Variants in GUCY1A2 observed in about 807,000 individuals in gnomAD.
The protein encoded by GUCY1A2 is guanylate cyclase 1 soluble subunit alpha 2, also known as guanylate cyclase soluble subunit alpha-2.
In GUCY1A2, 27 loss-of-function variants were observed where a neutral mutation model predicts 63.5. The ratio of observed to expected loss-of-function variants is 0.43; its 90% CI spans 0.31 to 0.59. GUCY1A2 has a LOEUF of 0.59. GUCY1A2 is among the 20% of genes least tolerant of loss of function. The pLI is 0.11. For missense variants in GUCY1A2, 768 were observed against 913.3 expected (o/e 0.84, Z 2.05); for synonymous variants, 364 against 343.5 (o/e 1.06, Z -0.66).
At position 106,694,597 on chromosome 11, in the gene GUCY1A2, T is replaced by C. The variant is rs547379822; in HGVS notation, c.1992-6841A>G. 2.6e-5 allele frequency among the ~76,000 whole-genome samples: 4 copies of C among 152,350 alleles called. No homozygotes were observed. The East Asian group carries it at 7.7e-4, about 29-fold the overall frequency. ...AAGCAGGCTCCAGTTTTTAGCTTCCTAAGTGTCAAGAAAATGGCCCAGTAC... is the reference window on the plus strand; with the variant it reads ...AAGCAGGCTCCAGTTTTTAGCTTCCCAAGTGTCAAGAAAATGGCCCAGTAC... On this transcript the variant is annotated intron_variant, in intron 7 of 7. Transcript: ENST00000526355.
At chr11:106,861,969 G>T (rs1239741377) in intron 4 of GUCY1A2, among the ~76,000 whole-genome samples, 1 of 151,864 alleles carries the variant, frequency 6.6e-6, no homozygotes, top group South Asian at 2.1e-4. Flanking sequence ...GGGCAGTTTT[G>T]GTTTTCCTCT....
At chr11:106,719,528 T>C (rs1024109003) in intron 6 of GUCY1A2, among the ~76,000 whole-genome samples, 11 of 152,212 alleles carry the variant, frequency 7.2e-5, no homozygotes, top group African/African-American at 2.7e-4. Flanking sequence ...ATGAGTTTGA[T>C]TGTTAAACAT....
intron 4 of GUCY1A2, among the ~76,000 whole-genome samples, chr11:106,846,497 C>T (rs1954866): frequency 0.23 from 34,956 of 151,426 alleles, 4,210 homozygotes; most frequent in Non-Finnish European, 0.26. Flanking sequence ...TAAAGACACA[C>T]TAAATGAGGG....
chr11:106,760,579 T>C (rs1260507900), intron 6 of GUCY1A2, among the ~76,000 whole-genome samples: 2 of 152,210 alleles, frequency 1.3e-5, no homozygotes, highest in Non-Finnish European at 2.9e-5. Flanking sequence ...TTTTTTGACA[T>C]ACTTGAGGAT....
At chr11:106,866,721 A>G (rs918533628) in intron 4 of GUCY1A2, among the ~76,000 whole-genome samples, 2 of 151,998 alleles carry the variant, frequency 1.3e-5, no homozygotes, top group Non-Finnish European at 2.9e-5. Flanking sequence ...AAATTAGTCA[A>G]TTAAAATGCA....
chr11:106,979,429 TGG>T (rs1311079793), intron 2 of GUCY1A2, among the ~76,000 whole-genome samples: 1 of 127,934 alleles, frequency 7.8e-6, no homozygotes, highest in Non-Finnish European at 1.6e-5. Context: ...CACTCCAGCC[TGG>T]GTGACAGAGT....
chr11:106,786,423 C>G (rs1180754149), intron 5 of GUCY1A2, among the ~76,000 whole-genome samples: 2 of 152,148 alleles, frequency 1.3e-5, no homozygotes, highest in Non-Finnish European at 2.9e-5. Flanking sequence ...GGCCTGGGAA[C>G]TACTCCCAAA....
At chr11:106,774,189 A>G (rs988929853) in intron 6 of GUCY1A2, among the ~76,000 whole-genome samples, 1 of 151,590 alleles carries the variant, frequency 6.6e-6, no homozygotes, top group African/African-American at 2.4e-5. Context: ...GCTGGAGTGC[A>G]GTGGCGCATC....
At chr11:106,732,375 G>C (rs896855890) in intron 6 of GUCY1A2, among the ~76,000 whole-genome samples, 3 of 151,976 alleles carry the variant, frequency 2.0e-5, no homozygotes, top group African/African-American at 7.2e-5. Context: ...ACTAAAGATG[G>C]ATTAAATATA....
chr11:106,811,115 A>C (rs1192500322), intron 4 of GUCY1A2, among the ~76,000 whole-genome samples: 3 of 152,180 alleles, frequency 2.0e-5, no homozygotes, highest in South Asian at 4.2e-4. Flanking sequence ...GCTAAAAATA[A>C]ATGAAAAAAT....
chr11:106,876,830 T>G (rs1256814782), intron 4 of GUCY1A2, among the ~76,000 whole-genome samples: 2 of 152,132 alleles, frequency 1.3e-5, no homozygotes, highest in African/African-American at 2.4e-5. Context: ...GGTTTTCCAC[T>G]GTGGTAGAAA....
At chr11:106,892,124 T>G (rs756080910) in intron 4 of GUCY1A2, among the ~76,000 whole-genome samples, 6 of 152,110 alleles carry the variant, frequency 3.9e-5, no homozygotes, top group Admixed American at 3.9e-4. Context: ...GGTATTGGCA[T>G]CCTAAGTATT....
chr11:106,761,253 C>T (rs891505966), intron 6 of GUCY1A2, among the ~76,000 whole-genome samples: 4 of 152,094 alleles, frequency 2.6e-5, no homozygotes, highest in Non-Finnish European at 5.9e-5. Flanking sequence ...GAGAGTTGAT[C>T]TTCAAATTTC....
chr11:106,988,242 A>T (rs576669100), intron 1 of GUCY1A2, among the ~76,000 whole-genome samples: 1 of 152,236 alleles, frequency 6.6e-6, no homozygotes, highest in Admixed American at 6.5e-5. Context: ...AAATCCAATC[A>T]TCATCAGTCA....
rs150093303 is a variant in GUCY1A2, at chr11:106,991,457, C to T, written c.304-5326G>A. 2.1e-3 allele frequency among the ~76,000 whole-genome samples: 317 copies of T among 152,300 alleles called. 1 individual carries two copies. Among genetic ancestry groups the T allele is most frequent in the Admixed American group, 7.2e-3 (110 of 15,296 alleles). ...TCTTTATAAAAAATACCAAGGTCTA[C>T]GTGCCACCCCCAGATTTTCCAGTTG... is the stretch of plus-strand genomic sequence containing the variant. On this transcript the variant is annotated intron_variant, in intron 1 of 7. Transcript: ENST00000526355.
At chr11:106,797,790 C>A (rs990226956) in intron 5 of GUCY1A2, among the ~76,000 whole-genome samples, 9 of 152,102 alleles carry the variant, frequency 5.9e-5, no homozygotes, top group African/African-American at 2.2e-4. Flanking sequence ...AAATTTATAG[C>A]ACTAAATGCC....
chr11:106,768,948 C>A (rs1051573701), intron 6 of GUCY1A2, among the ~76,000 whole-genome samples: 1 of 152,024 alleles, frequency 6.6e-6, no homozygotes, highest in African/African-American at 2.4e-5. Context: ...AAGGGTAATA[C>A]CAAAACATAG....
intron 6 of GUCY1A2, among the ~76,000 whole-genome samples, chr11:106,770,351 G>C (rs947274299): frequency 3.9e-5 from 6 of 152,232 alleles, no homozygotes; most frequent in Middle Eastern, 3.4e-3. Flanking sequence ...GTTCAATACT[G>C]AAGCAACTAT....
intron 4 of GUCY1A2, among the ~76,000 whole-genome samples, chr11:106,857,886 T>C (rs1487797246): frequency 6.6e-6 from 1 of 152,220 alleles, no homozygotes; most frequent in Non-Finnish European, 1.5e-5. Context: ...TATACCATTT[T>C]ATATCAGGAA....
Sources: allele counts gnomAD v4.1 joint callset (sites outside exome capture counted in the v4.1 genomes callset), GRCh38; gene constraint gnomAD v4.1.1; transcripts MANE v1.5; gene names NCBI Gene and HGNC (gene_info 2026-07-23, HGNC 2026-07-21).